The following MID2 variants were observed in gnomAD, a reference collection of about 807,000 sequenced individuals.
The protein encoded by MID2 is midline 2.
A neutral mutation model predicts 46.1 loss-of-function variants in MID2; 13 were observed. That is an observed-to-expected ratio of 0.28 (90% CI 0.18 to 0.45). The LOEUF is 0.45. Ranked by LOEUF, MID2 falls within the 20% of genes least tolerant of loss-of-function variation. The probability of loss-of-function intolerance (pLI) is 1.00; values close to 1 mark genes in which losing one functional copy is unlikely to be tolerated. For missense variants in MID2, 431 were observed against 575.4 expected (o/e 0.75, Z 2.57); for synonymous variants, 199 against 212.3 (o/e 0.94, Z 0.55).
intron 3 of MID2, among the ~76,000 whole-genome samples, chrX:107,859,936 A>T (rs765677542): frequency 8.9e-6 from 1 of 112,018 alleles, no homozygotes; most frequent in South Asian, 3.8e-4. Flanking sequence ...CTTGTAGGCC[A>T]TGTATAGGTG....
chrX:107,876,204 A>G (rs1932197552), intron 3 of MID2, among the ~76,000 whole-genome samples: 1 of 110,438 alleles, frequency 9.1e-6, no homozygotes, highest in Non-Finnish European at 1.9e-5. Context: ...CTTCTTTCCT[A>G]TGTTTTCTCT....
chrX:107,826,489 T>TA, intron 1 of MID2, 59 bp downstream of exon 1: 2 of 1,107,194 alleles, frequency 1.8e-6, no homozygotes, highest in Non-Finnish European at 1.2e-6. Context: ...CTCGCAGGGC[T>TA]AGTCTCCGGC....
intron 5 of MID2, among the ~76,000 whole-genome samples, chrX:107,905,895 T>C (rs148778025): frequency 8.9e-6 from 1 of 112,046 alleles, no homozygotes; most frequent in Non-Finnish European, 1.9e-5. Flanking sequence ...GAGTTTTCTA[T>C]GATGGTGTTG....
chrX:107,851,669 A>G (rs1460417042), intron 2 of MID2, among the ~76,000 whole-genome samples: 1 of 109,900 alleles, frequency 9.1e-6, no homozygotes. Context: ...AACAACAACA[A>G]CAACAACAAC....
chrX:107,904,073 G>T lies in MID2; in HGVS notation c.924+8G>T, dbSNP rs369545353. On this transcript the variant is annotated splice_region_variant and intron_variant, in intron 4 of 9. Transcript: ENST00000262843. ...AAAATCAAAGAGACAAAGGTAAAGC[G>T]CAGCACTTCAGTGAATCCAAGGAAG... The T allele has an allele frequency of 1.8e-6, 2 of 1,104,811 alleles. No individual in the cohort carries two copies. The highest frequency in any genetic ancestry group is 2.5e-6 in the Non-Finnish European group (2 of 798,512). 91.0% of individuals were successfully genotyped at this position (1,104,811 alleles called of 1,213,427 possible). A position where few individuals can be genotyped will look rare whatever the true frequency, so the allele number is the denominator to read the frequency against.
intron 3 of MID2, among the ~76,000 whole-genome samples, chrX:107,873,938 GT>G (rs1302038242): frequency 8.9e-6 from 1 of 112,238 alleles, no homozygotes; most frequent in African/African-American, 3.2e-5. Context: ...AATGTTAACT[GT>G]TTTTCCTTTG....
chrX:107,883,243 C>T (rs915873131), intron 3 of MID2, among the ~76,000 whole-genome samples: 1 of 111,126 alleles, frequency 9.0e-6, no homozygotes, highest in African/African-American at 3.3e-5. Context: ...GGAGAAATGC[C>T]TAATGTAGGT....
chrX:107,832,609 A>G (rs1027388830), intron 1 of MID2, among the ~76,000 whole-genome samples: 2 of 111,557 alleles, frequency 1.8e-5, no homozygotes, highest in African/African-American at 6.5e-5. Flanking sequence ...GTTTAAATGT[A>G]CCTAGGATTG....
At chrX:107,917,886 C>A in intron 7 of MID2, 147 bp downstream of exon 7, 2 of 484,853 alleles carry the variant, frequency 4.1e-6, no homozygotes, top group Non-Finnish European at 7.0e-6. Context: ...CATTCCCATT[C>A]ATTTATGTAA....
rs191977990 is a variant in MID2, at chrX:107,918,293, T to C, written c.1435+554T>C. Among the ~76,000 whole-genome samples the C allele has an allele frequency of 9.9e-5, 11 of 111,414 alleles. No individual in the cohort carries two copies. In the East Asian group the frequency reaches 3.1e-3, roughly 32 times the overall value. ...CAAAACAGAGTAGGAACTTCACTCATGCCAGTCAAGAGGGGATGAGCTGAA... is the reference window on the plus strand; with the variant it reads ...CAAAACAGAGTAGGAACTTCACTCACGCCAGTCAAGAGGGGATGAGCTGAA... On this transcript the variant is annotated intron_variant, in intron 7 of 9. Transcript: ENST00000262843.
intron 2 of MID2, among the ~76,000 whole-genome samples, chrX:107,852,862 G>A (rs1931658714): frequency 9.0e-6 from 1 of 111,575 alleles, no homozygotes; most frequent in South Asian, 3.8e-4. Flanking sequence ...TTTTTCAAAA[G>A]CACGAACTTT....
intron 5 of MID2, among the ~76,000 whole-genome samples, chrX:107,914,593 C>A (rs1016131971): frequency 3.1e-4 from 35 of 112,125 alleles, no homozygotes; most frequent in African/African-American, 1.1e-3. Context: ...ACATTCAATG[C>A]CTTTTCTCTC....
intron 3 of MID2, among the ~76,000 whole-genome samples, chrX:107,877,384 G>A (rs762207783): frequency 2.7e-5 from 3 of 112,112 alleles, no homozygotes; most frequent in Admixed American, 9.4e-5. Flanking sequence ...CTCCAGAGGA[G>A]TACAGACTGG....
At chrX:107,898,704 G>C (rs935365412) in intron 3 of MID2, among the ~76,000 whole-genome samples, 1 of 111,702 alleles carries the variant, frequency 9.0e-6, no homozygotes, top group African/African-American at 3.3e-5. Context: ...GATATACTGT[G>C]GTATGTGGGA....
chrX:107,848,755 C>T (rs188519499), intron 2 of MID2, among the ~76,000 whole-genome samples: 1 of 111,616 alleles, frequency 9.0e-6, no homozygotes, highest in African/African-American at 3.3e-5. Context: ...ATGGCATGTT[C>T]TGTTGTTGAG....
At chrX:107,848,991 G>A (rs752510466) in intron 2 of MID2, among the ~76,000 whole-genome samples, 72 of 111,877 alleles carry the variant, frequency 6.4e-4, no homozygotes, top group Non-Finnish European at 1.2e-3. Flanking sequence ...TATTTTTAAA[G>A]ATGAAGTTGT....
chrX:107,887,503 A>T (rs1162960535), intron 3 of MID2, among the ~76,000 whole-genome samples: 1 of 111,538 alleles, frequency 9.0e-6, no homozygotes, highest in Non-Finnish European at 1.9e-5. Flanking sequence ...AAGGTTTTTG[A>T]TGTGCTGCTG....
intron 1 of MID2, among the ~76,000 whole-genome samples, chrX:107,837,368 A>G (rs982236923): frequency 4.5e-5 from 5 of 111,413 alleles, no homozygotes; most frequent in African/African-American, 6.5e-5. Context: ...GACATTGAGG[A>G]ATGCAGGCAT....
At chrX:107,865,885 A>C (rs1228563076) in intron 3 of MID2, among the ~76,000 whole-genome samples, 1 of 112,767 alleles carries the variant, frequency 8.9e-6, no homozygotes, top group Non-Finnish European at 1.9e-5. Context: ...ATATATGGGT[A>C]GTTTTGCACT....
Sources: gnomAD v4.1 joint callset for allele counts (sites outside exome capture counted in the v4.1 genomes callset) on GRCh38, gnomAD v4.1.1 for gene constraint, MANE v1.5 for transcripts, NCBI Gene and HGNC (gene_info 2026-07-23, HGNC 2026-07-21) for gene names.